FTO: variants seen among roughly 807,000 people sequenced by gnomAD.
The protein encoded by FTO is FTO alpha-ketoglutarate dependent dioxygenase.
A neutral mutation model predicts 63.9 loss-of-function variants in FTO; 47 were observed. That is an observed-to-expected ratio of 0.74 (90% CI 0.58 to 0.94). FTO has a LOEUF of 0.94. FTO is among the 40% of genes least tolerant of loss of function. The pLI is 0.00. For missense variants in FTO, 562 were observed against 618.1 expected (o/e 0.91, Z 0.96); for synonymous variants, 207 against 224.4 (o/e 0.92, Z 0.69).
At chr16:53,978,342 A>G (rs1347316859) in intron 8 of FTO, among the ~76,000 whole-genome samples, 1 of 152,180 alleles carries the variant, frequency 6.6e-6, no homozygotes, top group Non-Finnish European at 1.5e-5. Context: ...TTCAGTCTCT[A>G]ATTTGCAGTG....
intron 2 of FTO, chr16:53,814,574 G>C (rs1384386689): frequency 6.6e-6 from 1 of 152,266 alleles, no homozygotes. Context: ...AGTCTGGGCT[G>C]TTGGCTTTTG....
chr16:53,869,473 C>A (rs1382213966), intron 4 of FTO, among the ~76,000 whole-genome samples: 1 of 151,138 alleles, frequency 6.6e-6, no homozygotes, highest in African/African-American at 2.4e-5. Context: ...TGTTCCTTTC[C>A]CTCTTTCTTC....
intron 8 of FTO, among the ~76,000 whole-genome samples, chr16:53,997,546 C>A (rs954436077): frequency 9.4e-5 from 10 of 105,952 alleles, no homozygotes; most frequent in Non-Finnish European, 3.4e-5. Flanking sequence ...TTTGCCAGAC[C>A]AAGAAAGACA....
chr16:54,035,354 G>C (rs2084920814), intron 8 of FTO, among the ~76,000 whole-genome samples: 1 of 152,190 alleles, frequency 6.6e-6, no homozygotes. Context: ...GTTTGGTTGA[G>C]GGCAACATGC....
chr16:53,804,344 T>G (rs187585189), intron 1 of FTO, among the ~76,000 whole-genome samples: 1 of 152,344 alleles, frequency 6.6e-6, no homozygotes, highest in East Asian at 1.9e-4. Context: ...TCATCACAAC[T>G]CTATGAAACA....
chr16:54,069,112 G>C (rs1456625843), intron 8 of FTO, among the ~76,000 whole-genome samples: 3 of 152,066 alleles, frequency 2.0e-5, no homozygotes, highest in African/African-American at 7.2e-5. Flanking sequence ...GGCTTTTTCT[G>C]CACTTTTCTT....
At position 53,819,411 on chromosome 16, in the gene FTO, A is replaced by G. The variant is rs562550336; in HGVS notation, c.124-6453A>G. Among the ~76,000 whole-genome samples, 37 of 152,284 alleles carry G rather than the reference A, an allele frequency of 2.4e-4. 1 individual carries two copies. The South Asian group carries it at 6.6e-3, about 27-fold the overall frequency. ...AGTCTCGAGCTCGTCAGCTCAAGCA[A>G]TACACCCGCCTGAGTCTCCCAAAGT... On this transcript the variant is annotated intron_variant, in intron 2 of 8. Transcript: ENST00000471389.
At position 53,883,626 on chromosome 16, in the gene FTO, AAAAAAAAAAC is replaced by A. The variant is rs1317387204; in HGVS notation, c.1119+3649_1119+3658del. Among the ~76,000 whole-genome samples, 80 of 145,926 alleles carry A rather than the reference AAAAAAAAAAC, an allele frequency of 5.5e-4. 1 individual carries two copies. The highest frequency in any genetic ancestry group is 1.0e-3 in the Admixed American group (15 of 14,666). ...AACAAGGGCGAAACTCTATCTCAAA[AAAAAAAAAAC>A]AAAAAAAAAAAAACAAATTTGTCTG... On this transcript the variant is annotated intron_variant, in intron 6 of 8. Transcript: ENST00000471389.
chr16:54,014,671 A>G (rs1408636604), intron 8 of FTO, among the ~76,000 whole-genome samples: 1 of 152,146 alleles, frequency 6.6e-6, no homozygotes, highest in Non-Finnish European at 1.5e-5. Flanking sequence ...AGTTTTGCAT[A>G]TGTGAGAATT....
At chr16:53,956,656 T>C (rs1226471022) in intron 8 of FTO, 2 of 146,272 alleles carry the variant, frequency 1.4e-5, no homozygotes, top group South Asian at 4.3e-4. Flanking sequence ...TTTTCCTTTT[T>C]TTTTTTTCTT....
At chr16:53,760,684 T>C (rs1364472234) in intron 1 of FTO, among the ~76,000 whole-genome samples, 4 of 146,472 alleles carry the variant, frequency 2.7e-5, no homozygotes, top group East Asian at 2.0e-4. Context: ...TGGAGTGTAG[T>C]GGCATGATCT....
intron 1 of FTO, among the ~76,000 whole-genome samples, chr16:53,741,233 A>C (rs904847485): frequency 6.6e-6 from 1 of 152,160 alleles, no homozygotes; most frequent in African/African-American, 2.4e-5. Flanking sequence ...CATTATTACT[A>C]TCTGGACCTT....
intron 1 of FTO, among the ~76,000 whole-genome samples, chr16:53,774,089 A>G (rs1315505836): frequency 6.6e-6 from 1 of 152,142 alleles, no homozygotes; most frequent in African/African-American, 2.4e-5. Flanking sequence ...TTCAACGTTT[A>G]TTTTAGAATG....
chr16:53,860,554 G>A (rs2080141515), intron 4 of FTO, among the ~76,000 whole-genome samples: 1 of 152,082 alleles, frequency 6.6e-6, no homozygotes, highest in Admixed American at 6.6e-5. Context: ...AAATTATGTT[G>A]GAAAGCAAAA....
intron 8 of FTO, among the ~76,000 whole-genome samples, chr16:53,961,956 A>G (rs1042799500): frequency 6.6e-6 from 1 of 152,156 alleles, no homozygotes; most frequent in African/African-American, 2.4e-5. Flanking sequence ...TACCACTTCA[A>G]TGAGAACCCA....
chr16:53,741,658 G>A (rs1358560137), intron 1 of FTO, among the ~76,000 whole-genome samples: 2 of 152,280 alleles, frequency 1.3e-5, no homozygotes, highest in African/African-American at 2.4e-5. Context: ...TCTTTCCAGT[G>A]TCCTCTTCTG....
At position 53,879,947 on chromosome 16, in the gene FTO, A is replaced by G. The variant is rs2080776334; in HGVS notation, c.1079A>G (p.Glu360Gly). 1 of 1,613,558 alleles carries G rather than the reference A, an allele frequency of 6.2e-7. No individual in the cohort carries two copies. The highest frequency in any genetic ancestry group is 1.7e-5 in the Admixed American group (1 of 59,946). Residue 360 changes from glutamate (E) to glycine (G), a missense_variant, in exon 6 of 9, where the codon GAG becomes GGG. Glu to Gly is a moderately conservative substitution (Grantham distance 98). Coordinates refer to ENST00000471389, the MANE Select transcript of FTO (RefSeq NM_001080432.3). ...DNDDVSLKSF[E>G]PAVLKQGEEI... ...GATGATGTCTCTTTGAAATCCTTTG[A>G]GCCTGCAGTTTTGAAACAAGGAGAA...
chr16:54,098,255 A>C (rs574420630), intron 8 of FTO, among the ~76,000 whole-genome samples: 1 of 152,304 alleles, frequency 6.6e-6, no homozygotes, highest in African/African-American at 2.4e-5. Flanking sequence ...GAACTGTGTC[A>C]CACAGTTGGT....
intron 1 of FTO, among the ~76,000 whole-genome samples, chr16:53,756,672 G>A (rs953876743): frequency 6.6e-6 from 1 of 152,168 alleles, no homozygotes; most frequent in Admixed American, 6.5e-5. Context: ...CAGCTGTTTG[G>A]TTCACTGTTC....
Sources: gnomAD v4.1 joint callset for allele counts (sites outside exome capture counted in the v4.1 genomes callset) on GRCh38, gnomAD v4.1.1 for gene constraint, MANE v1.5 for transcripts, NCBI Gene and HGNC (gene_info 2026-07-23, HGNC 2026-07-21) for gene names.